Variants in CACYBP observed in about 807,000 individuals in gnomAD.
CACYBP encodes the protein calcyclin-binding protein.
In CACYBP, 11 loss-of-function variants were observed where a neutral mutation model predicts 29.6. The ratio of observed to expected loss-of-function variants is 0.37; its 90% confidence interval spans 0.23 to 0.61. The LOEUF is 0.61. CACYBP is among the 20% of genes least tolerant of loss of function. The probability of loss-of-function intolerance (pLI) is 0.65; values close to 1 mark genes in which losing one functional copy is unlikely to be tolerated. For missense variants in CACYBP, 163 were observed against 260.7 expected (o/e 0.63, Z 2.58); for synonymous variants, 73 against 88.3 (o/e 0.83, Z 0.97).
At chr1:175,007,274 C>A in intron 4 of CACYBP, 77 bp downstream of exon 4, 1 of 861,950 alleles carries the variant, frequency 1.2e-6, no homozygotes. Context: ...CTGAGATGAA[C>A]TGGAATGAAT....
At chr1:175,003,069 C>CAACA (rs1361895422) in intron 1 of CACYBP, among the ~76,000 whole-genome samples, 1 of 150,750 alleles carries the variant, frequency 6.6e-6, no homozygotes, top group Non-Finnish European at 1.5e-5. Flanking sequence ...GTAATATGAG[C>CAACA]TGTTCTTGGA....
At chr1:175,001,849 C>T (rs112836129) in intron 1 of CACYBP, among the ~76,000 whole-genome samples, 30 of 152,336 alleles carry the variant, frequency 2.0e-4, no homozygotes, top group African/African-American at 7.2e-4. Context: ...TCAAAGGATT[C>T]TCCTGCCTTA....
rs1249956795 is a variant in CACYBP, at chr1:175,010,226, A to G, written c.*147A>G. The G allele has an allele frequency of 3.3e-6, 2 of 607,160 alleles. No individual in the cohort carries two copies. Among genetic ancestry groups the G allele is most frequent in the East Asian group, 2.9e-5 (1 of 34,662 alleles). The allele number at this position is 607,160 out of a possible 1,614,324, so 37.6% of individuals were successfully genotyped here. ...AAAGGCAATGAATTCTCCATTTCCTACTGGAGGATTTATTTAAATAAAATA... is the reference window on the plus strand; with the variant it reads ...AAAGGCAATGAATTCTCCATTTCCTGCTGGAGGATTTATTTAAATAAAATA... On this transcript the variant is annotated 3_prime_UTR_variant, in exon 6 of 6. Coordinates refer to ENST00000367679, the MANE Select transcript of CACYBP (RefSeq NM_014412.3).
chr1:175,008,087 C>G (rs1672660696), intron 4 of CACYBP, among the ~76,000 whole-genome samples: 1 of 152,102 alleles, frequency 6.6e-6, no homozygotes, highest in Admixed American at 6.6e-5. Flanking sequence ...TTTAAAAGAC[C>G]TGTACATTGC....
At chr1:175,001,788 C>G (rs991907854) in intron 1 of CACYBP, among the ~76,000 whole-genome samples, 2 of 152,230 alleles carry the variant, frequency 1.3e-5, no homozygotes, top group African/African-American at 4.8e-5. Flanking sequence ...GTCGCCCAGG[C>G]TGGAGTGCAA....
rs1295442400 is a variant in CACYBP, at chr1:175,011,861, T to TGG, written c.*1784_*1785dup. ...GCTCACACCTGTAATCCCAACACCTTGGGAGGCCAAGGTGGGCGGATCACT... is the reference window on the plus strand; with the variant it reads ...GCTCACACCTGTAATCCCAACACCTTGGGGGAGGCCAAGGTGGGCGGATCACT... On this transcript the variant is annotated 3_prime_UTR_variant, in exon 6 of 6. Coordinates refer to ENST00000367679, the MANE Select transcript of CACYBP (RefSeq NM_014412.3). 6.6e-6 allele frequency: 1 copy of TGG among 152,210 alleles called. No individual in the cohort carries two copies. Among genetic ancestry groups the TGG allele is most frequent in the Non-Finnish European group, 1.5e-5 (1 of 68,062 alleles). 9.4% of individuals were successfully genotyped at this position (152,210 alleles called of 1,614,324 possible). A position where few individuals can be genotyped will look rare whatever the true frequency, so the allele number is the denominator to read the frequency against.
rs533752524 is a variant in CACYBP at position 175,000,106 on chromosome 1, G to C, written c.-75G>C. Reference sequence around the variant, plus strand: ...GCGGGTAGGCGTCTGCGCTCGGTTTGAGGGCTCGGCGCGGGGTTTCCTGTT... The same window carrying C: ...GCGGGTAGGCGTCTGCGCTCGGTTTCAGGGCTCGGCGCGGGGTTTCCTGTT... On this transcript the variant is annotated 5_prime_UTR_variant, in exon 1 of 6. Transcript: ENST00000367679. 2 of 1,555,348 alleles carry C rather than the reference G, an allele frequency of 1.3e-6. No homozygotes were observed. The highest frequency in any genetic ancestry group is 1.4e-5 in the African/African-American group (1 of 73,158).
At chr1:174,999,634 A>G (rs1327297968), upstream of CACYBP, 3 of 224,464 alleles carry the variant, frequency 1.3e-5, no homozygotes, top group Non-Finnish European at 2.7e-5. Context: ...GGTGTCCTAG[A>G]GCGGACGAAA....
chr1:175,000,239 C>A, intron 1 of CACYBP, 44 bp downstream of exon 1: 1 of 1,576,338 alleles, frequency 6.3e-7, no homozygotes. Flanking sequence ...CCGGCTGGAG[C>A]TGCAGCGCCA....
intron 2 of CACYBP, 159 bp from the exon 3 acceptor site, chr1:175,006,586 T>A: frequency 1.9e-6 from 1 of 528,966 alleles, no homozygotes. Context: ...GAGGCTCCAT[T>A]TCTCAACCTA....
intron 5 of CACYBP, 86 bp downstream of exon 5, chr1:175,008,792 A>G: frequency 1.3e-6 from 1 of 740,902 alleles, no homozygotes; most frequent in South Asian, 1.5e-5. Flanking sequence ...TGGATAATGT[A>G]TTTCTGCTTT....
chr1:175,000,735 T>G (rs923634414), intron 1 of CACYBP: 1 of 434,490 alleles, frequency 2.3e-6, no homozygotes, highest in Admixed American at 6.4e-5. Flanking sequence ...TTAAAAAATA[T>G]GATTTCTAGG....
intron 5 of CACYBP, 55 bp downstream of exon 5, chr1:175,008,761 AT>A: frequency 1.2e-6 from 1 of 862,588 alleles, no homozygotes; most frequent in Non-Finnish European, 2.0e-6. Context: ...GAGATCATGG[AT>A]TTTTAATAGT....
At position 175,000,003 on chromosome 1, in the gene CACYBP, A is replaced by C; in HGVS notation, c.-178A>C. On this transcript the variant is annotated 5_prime_UTR_variant, in exon 1 of 6. Transcript: ENST00000367679. ...GCGGCGGCTGCCTCGCGAAGGTTCG[A>C]GATCCGTCGCGTGCGGGAGGCGGGC... 1.1e-6 allele frequency: 1 copy of C among 883,908 alleles called. No homozygotes were observed. The highest frequency in any genetic ancestry group is 1.8e-6 in the Non-Finnish European group (1 of 570,464). 54.8% of individuals were successfully genotyped at this position (883,908 alleles called of 1,614,324 possible).
chr1:175,000,152 G>T lies in CACYBP; in HGVS notation c.-29G>T, dbSNP rs771514371. On this transcript the variant is annotated 5_prime_UTR_variant, in exon 1 of 6. Transcript: ENST00000367679. ...CTGTTCCTCCTTCTGCGCGGCTGCA[G>T]CTCGGGACTTCGGCCTGACCCAGCC... 1 of 1,601,222 alleles carries T rather than the reference G, an allele frequency of 6.2e-7. No homozygotes were observed. The highest frequency in any genetic ancestry group is 1.3e-5 in the African/African-American group (1 of 74,564).
intron 1 of CACYBP, 90 bp from the exon 2 acceptor site, chr1:175,004,524 C>T (rs1672567866): frequency 5.3e-6 from 4 of 757,088 alleles, no homozygotes; most frequent in East Asian, 2.7e-5. Context: ...ATTCTTAGTG[C>T]TTATTTCAGT....
chr1:175,010,259 T>TAAAC lies in CACYBP; in HGVS notation c.*182_*185dup, dbSNP rs1326908712. 1 of 530,990 alleles carries TAAAC rather than the reference T, an allele frequency of 1.9e-6. No individual in the cohort carries two copies. The highest frequency in any genetic ancestry group is 1.9e-5 in the African/African-American group (1 of 51,962). 32.9% of individuals were successfully genotyped at this position (530,990 alleles called of 1,614,324 possible). On this transcript the variant is annotated 3_prime_UTR_variant, in exon 6 of 6. Coordinates refer to ENST00000367679, the MANE Select transcript of CACYBP (RefSeq NM_014412.3). ...ATTTATTTAAATAAAATATGCTTAT[T>TAAAC]AAACACTCCTGCAAAGATGGTTTTA...
chr1:175,003,118 A>AT (rs11288938), intron 1 of CACYBP, among the ~76,000 whole-genome samples: 29,970 of 141,892 alleles, frequency 0.21, 3,173 homozygotes, highest in Admixed American at 0.25. Flanking sequence ...GGCAGAGTTG[A>AT]TTTTTTTTTT....
chr1:174,999,649 G>C (rs534344968), upstream of CACYBP: 6 of 228,256 alleles, frequency 2.6e-5, no homozygotes, highest in African/African-American at 1.2e-4. Context: ...ACGAAAGCAG[G>C]TGACTCTCTA....
Sources: allele counts gnomAD v4.1 joint callset (sites outside exome capture counted in the v4.1 genomes callset), GRCh38; gene constraint gnomAD v4.1.1; transcripts MANE v1.5; gene names NCBI Gene and HGNC (gene_info 2026-07-23, HGNC 2026-07-21).